UMAD1: variants seen among roughly 807,000 people sequenced by gnomAD.
The protein encoded by UMAD1 is UBAP1-MVB12-associated (UMA) domain containing 1.
Under a neutral mutation model 6.1 loss-of-function variants are expected in UMAD1, and 8 were observed. The ratio of observed to expected loss-of-function variants is 1.30; its 90% CI spans 0.76 to 2.35. The LOEUF (loss-of-function observed/expected upper bound fraction) is 2.35. Among genes scored for constraint, UMAD1 ranks in the 30% most tolerant of loss-of-function variants. The pLI, the probability that UMAD1 is intolerant of heterozygous loss-of-function variation, is 0.00. For synonymous variants in UMAD1, 56 were observed against 31.4 expected, an observed-to-expected ratio of 1.78 and a Z score of -2.61; for missense variants, 130 against 78.4, an observed-to-expected ratio of 1.66 and a Z score of -2.49.
chr7:7,669,921 C>G (rs1234169782), intron 1 of UMAD1, among the ~76,000 whole-genome samples: 2 of 152,072 alleles, frequency 1.3e-5, no homozygotes, highest in African/African-American at 4.8e-5. Flanking sequence ...CCTAAATTAT[C>G]CCTCCTTCTA....
intron 1 of UMAD1, among the ~76,000 whole-genome samples, chr7:7,642,654 G>T (rs931076768): frequency 3.2e-4 from 48 of 152,146 alleles, no homozygotes; most frequent in African/African-American, 1.1e-3. Flanking sequence ...AATACATGAT[G>T]TACAGAAAAA....
chr7:7,835,539 G>A (rs2115309058), intron 3 of UMAD1, among the ~76,000 whole-genome samples: 1 of 129,130 alleles, frequency 7.7e-6, no homozygotes, highest in South Asian at 2.4e-4. Context: ...GGACAGCCGT[G>A]GTCCTTTCTT....
chr7:7,674,058 T>C (rs977366887), intron 2 of UMAD1, among the ~76,000 whole-genome samples: 8 of 152,140 alleles, frequency 5.3e-5, no homozygotes, highest in Admixed American at 3.3e-4. Flanking sequence ...TGAGGAAAAG[T>C]TTTGCACAAC....
intron 2 of UMAD1, among the ~76,000 whole-genome samples, chr7:7,768,082 C>A (rs904839173): frequency 1.3e-5 from 2 of 151,890 alleles, no homozygotes; most frequent in Non-Finnish European, 2.9e-5. Flanking sequence ...CCCATAGGAA[C>A]CTGGAAATTT....
chr7:7,820,791 G>C (rs1783227041), intron 3 of UMAD1, among the ~76,000 whole-genome samples: 2 of 152,024 alleles, frequency 1.3e-5, no homozygotes, highest in African/African-American at 4.8e-5. Context: ...TCATAAGCCA[G>C]TTTGGATTTA....
intron 3 of UMAD1, among the ~76,000 whole-genome samples, chr7:7,867,177 A>G (rs1784247943): frequency 6.6e-6 from 1 of 152,208 alleles, no homozygotes; most frequent in Non-Finnish European, 1.5e-5. Context: ...CCAGGTTTAA[A>G]ACATGTTGAG....
At chr7:7,729,773 C>G (rs1481838808) in intron 2 of UMAD1, among the ~76,000 whole-genome samples, 2 of 152,218 alleles carry the variant, frequency 1.3e-5, no homozygotes, top group Non-Finnish European at 2.9e-5. Context: ...TCATTCTCTG[C>G]TGTGGTCTTG....
intron 1 of UMAD1, among the ~76,000 whole-genome samples, chr7:7,659,917 T>A (rs1785433336): frequency 6.6e-6 from 1 of 152,222 alleles, no homozygotes; most frequent in Non-Finnish European, 1.5e-5. Flanking sequence ...AGTCTCCCAC[T>A]ATTATTGTGT....
chr7:7,821,037 T>C (rs1783231329), intron 3 of UMAD1, among the ~76,000 whole-genome samples: 1 of 152,332 alleles, frequency 6.6e-6, no homozygotes, highest in South Asian at 2.1e-4. Context: ...TAGGATTCAA[T>C]TCCTGTTTTT....
chr7:7,755,114 C>T (rs1781752586), intron 2 of UMAD1, among the ~76,000 whole-genome samples: 1 of 152,282 alleles, frequency 6.6e-6, no homozygotes, highest in South Asian at 2.1e-4. Flanking sequence ...ACATCGAATG[C>T]CTGCCTTGAT....
chr7:7,726,551 T>C (rs1216300870), intron 2 of UMAD1, among the ~76,000 whole-genome samples: 1 of 152,184 alleles, frequency 6.6e-6, no homozygotes, highest in African/African-American at 2.4e-5. Context: ...GTACTGTTTC[T>C]CCCATAGCCA....
chr7:7,709,622 C>T (rs1161351849), intron 2 of UMAD1, among the ~76,000 whole-genome samples: 1 of 152,212 alleles, frequency 6.6e-6, no homozygotes, highest in African/African-American at 2.4e-5. Flanking sequence ...CAGAAGTCAT[C>T]TTTCCCTAAC....
At chr7:7,740,751 A>T (rs565575878) in intron 2 of UMAD1, 1 of 152,196 alleles carries the variant, frequency 6.6e-6, no homozygotes, top group African/African-American at 2.4e-5. Flanking sequence ...GCATCTGTTT[A>T]TGTCTTGACA....
chr7:7,742,472 C>A, intron 2 of UMAD1: 1 of 533,488 alleles, frequency 1.9e-6, no homozygotes, highest in South Asian at 1.4e-5. Flanking sequence ...TTGTGGACAC[C>A]TTTCAACACT....
chr7:7,755,091 A>G (rs1781752107), intron 2 of UMAD1, among the ~76,000 whole-genome samples: 1 of 152,126 alleles, frequency 6.6e-6, no homozygotes, highest in Non-Finnish European at 1.5e-5. Context: ...ACCAAATTCC[A>G]AGTCTTCACT....
At chr7:7,665,155 A>G (rs925492039) in intron 1 of UMAD1, among the ~76,000 whole-genome samples, 2 of 152,216 alleles carry the variant, frequency 1.3e-5, no homozygotes, top group African/African-American at 4.8e-5. Context: ...GAGATAATCA[A>G]ATTGAGAAAA....
intron 2 of UMAD1, among the ~76,000 whole-genome samples, chr7:7,766,069 C>A (rs1424629511): frequency 3.9e-5 from 6 of 152,136 alleles, no homozygotes; most frequent in African/African-American, 1.2e-4. Flanking sequence ...CTGTTAGAAT[C>A]CAGATATGGC....
At chr7:7,814,792 G>T (rs1195060437) in intron 3 of UMAD1, among the ~76,000 whole-genome samples, 1 of 152,064 alleles carries the variant, frequency 6.6e-6, no homozygotes, top group African/African-American at 2.4e-5. Flanking sequence ...TCCTTAACCT[G>T]TCTCTCCCAT....
chr7:7,672,852 G>A (rs574091306), intron 1 of UMAD1, among the ~76,000 whole-genome samples: 4 of 152,194 alleles, frequency 2.6e-5, no homozygotes, highest in Non-Finnish European at 5.9e-5. Context: ...GTAACCATCA[G>A]TAGGGGATGT....
Sources: gnomAD v4.1 joint callset for allele counts (sites outside exome capture counted in the v4.1 genomes callset) on GRCh38, gnomAD v4.1.1 for gene constraint, MANE v1.5 for transcripts, NCBI Gene and HGNC (gene_info 2026-07-23, HGNC 2026-07-21) for gene names.